GPRASP2: variants seen among roughly 807,000 people sequenced by gnomAD.
GPRASP2 encodes G protein-coupled receptor associated sorting protein 2.
In GPRASP2, 10 loss-of-function variants were observed where a neutral mutation model predicts 36.0. That is an observed-to-expected ratio of 0.28 (90% CI 0.17 to 0.47). The LOEUF (loss-of-function observed/expected upper bound fraction) is 0.47, where lower values mean the gene tolerates loss of function less well. GPRASP2 is among the 20% of genes least tolerant of loss of function. The pLI, the probability that GPRASP2 is intolerant of heterozygous loss-of-function variation, is 0.99. For synonymous variants in GPRASP2, 219 were observed against 230.5 expected (o/e 0.95, Z 0.45); for missense variants, 538 against 626.7 (o/e 0.86, Z 1.51).
chrX:102,717,011 A>G lies in GPRASP2; in HGVS notation c.2142A>G (p.Thr714=), dbSNP rs2081974510. Residue 714 remains threonine, a synonymous_variant, in exon 5 of 5, where the codon ACA becomes ACG. Coordinates refer to ENST00000483720, the MANE Select transcript of GPRASP2 (RefSeq NM_001004051.4). ...RHLTMTIDYH[T]LIANYMSGFL... Reference sequence around the variant, plus strand: ...TCACTATGACTATTGACTATCACACACTGATTGCCAACTATATGTCCGGGT... The same window carrying G: ...TCACTATGACTATTGACTATCACACGCTGATTGCCAACTATATGTCCGGGT... The G allele has an allele frequency of 8.3e-7, 1 of 1,198,194 alleles. No individual in the cohort carries two copies. The highest frequency in any genetic ancestry group is 1.8e-5 in the South Asian group (1 of 55,605).
rs778733801 is a variant in GPRASP2 at position 102,716,130 on chromosome X, T to C, written c.1261T>C (p.Ser421Pro). 1 of 1,194,495 alleles carries C rather than the reference T, an allele frequency of 8.4e-7. No individual in the cohort carries two copies. Among genetic ancestry groups the C allele is most frequent in the East Asian group, 3.0e-5 (1 of 33,603 alleles). Reference sequence around the variant, plus strand: ...AACTGAGGAGGGGGCCATTGGCGGATCCGCGTACTGGGCTGAGGAAAAGTC... The same window carrying C: ...AACTGAGGAGGGGGCCATTGGCGGACCCGCGTACTGGGCTGAGGAAAAGTC... ...PGTEEGAIGG[S>P]AYWAEEKSSL... The change falls in exon 5 of 5, where the codon TCC (serine) becomes CCC (proline). Residue 421 changes from serine to proline, a missense_variant. Physicochemically the swap from Ser to Pro is moderately conservative, Grantham distance 74 (BLOSUM62 -1). Coordinates refer to ENST00000483720, the MANE Select transcript of GPRASP2 (RefSeq NM_001004051.4).
rs6621549 is a variant in GPRASP2 at position 102,716,828 on chromosome X, A to C, written c.1959A>C (p.Arg653Ser). Residue 653 changes from arginine to serine, a missense_variant, in exon 5 of 5, where the codon AGA (arginine) becomes AGC (serine). By Grantham distance (110) the Arg-to-Ser change is moderately radical. This residue lies in a region of GPRASP2 where 262 missense variants were observed against 351.7 expected (regional missense o/e 0.74). Coordinates refer to ENST00000483720, the MANE Select transcript of GPRASP2 (RefSeq NM_001004051.4). ...IETLLNYPSS[R>S]VRTSFLENMI... ...CCTTGCTTAATTATCCATCCTCTAGAGTTAGGACAAGTTTTTTGGAAAATA... is the reference window on the plus strand; with the variant it reads ...CCTTGCTTAATTATCCATCCTCTAGCGTTAGGACAAGTTTTTTGGAAAATA... The C allele has an allele frequency of 1.7e-6, 2 of 1,210,499 alleles. No homozygotes were observed. The highest frequency in any genetic ancestry group is 5.9e-5 in the East Asian group (2 of 33,786).
At position 102,715,350 on chromosome X, in the gene GPRASP2, G is replaced by A. The variant is rs1316125260; in HGVS notation, c.481G>A (p.Gly161Arg). The change falls in exon 5 of 5, where the codon GGA becomes AGA. Residue 161 changes from glycine to arginine, a missense_variant. Physicochemically the swap from Gly to Arg is moderately radical, Grantham distance 125 (BLOSUM62 -2). Transcript: ENST00000483720. The stretch of plus-strand genomic sequence containing the variant: ...TTGGCCACTGGCCACTGCTGAGTCT[G>A]GATCAGTTACTAAATCTAAGGGCCT... The part of the protein sequence containing the change: ...VAWPLATAES[G>R]SVTKSKGLSM... 1 of 1,211,269 alleles carries A rather than the reference G, an allele frequency of 8.3e-7. No homozygotes were observed. Among genetic ancestry groups the A allele is most frequent in the Non-Finnish European group, 1.1e-6 (1 of 895,496 alleles).
At chrX:102,712,681 C>G (rs888581482) in intron 1 of GPRASP2, 129 bp downstream of exon 1, 7 of 112,565 alleles carry the variant, frequency 6.2e-5, no homozygotes, top group African/African-American at 2.3e-4. Flanking sequence ...GAGCCAGGCG[C>G]TTGAGAGAGG....
rs772359998 is a variant in GPRASP2, at chrX:102,715,821, C to T, written c.952C>T (p.Leu318Phe). Residue 318 changes from leucine to phenylalanine, a missense_variant, in exon 5 of 5, where the codon CTC becomes TTC. Physicochemically the swap from Leu to Phe is conservative, Grantham distance 22. Around this residue, in one of 2 missense-constraint regions of GPRASP2, gnomAD observed 276 missense variants for 275.0 expected, o/e 1.00. Transcript: ENST00000483720. ...GGAGGAGGCAAATATCAGGTCCAAG[C>T]TCAGGACAAATAGAGAAGATTGTTT... is the stretch of plus-strand genomic sequence containing the variant. Reference protein sequence around the residue: ...VREEANIRSKLRTNREDCFES... With the variant: ...VREEANIRSKFRTNREDCFES... 1.3e-5 allele frequency: 16 copies of T among 1,211,747 alleles called. No homozygotes were observed. Among genetic ancestry groups the T allele is most frequent in the Non-Finnish European group, 1.7e-5 (15 of 895,518 alleles).
In GPRASP2 at chrX:102,715,658, G is replaced by C. The variant is rs201980601; in HGVS notation, c.789G>C (p.Gln263His). 50 of 1,209,832 alleles carry C rather than the reference G, an allele frequency of 4.1e-5. No homozygotes were observed. The Admixed American group carries it at 1.1e-3, about 26-fold the overall frequency. The stretch of plus-strand genomic sequence containing the variant: ...GGTCCAGGCACAGGGCTAAACATCA[G>C]ACTAATCCCAGGTCCAGGCCCAGAT... ...NTRSRHRAKH[Q>H]TNPRSRPRSK... The change falls in exon 5 of 5, where the codon CAG becomes CAC. Residue 263 changes from glutamine to histidine, a missense_variant. Transcript: ENST00000483720.
At position 102,715,520 on chromosome X, in the gene GPRASP2, G is replaced by A; in HGVS notation, c.651G>A (p.Glu217=). Residue 217 remains glutamate, a synonymous_variant, in exon 5 of 5, where the codon GAG becomes GAA. Coordinates refer to ENST00000483720, the MANE Select transcript of GPRASP2 (RefSeq NM_001004051.4). The stretch of plus-strand genomic sequence containing the variant: ...ATTCCAGGCCCAGGGCCAGAGAGGA[G>A]GCCTCTAATGAGTCTGGGTTCTGGT... The part of the protein sequence containing the change: ...WCYSRPRARE[E]ASNESGFWSA... The A allele has an allele frequency of 8.3e-7, 1 of 1,212,073 alleles. No individual in the cohort carries two copies. The highest frequency in any genetic ancestry group is 1.1e-6 in the Non-Finnish European group (1 of 895,620).
In GPRASP2 at chrX:102,717,199, T is replaced by C. The variant is rs372580735; in HGVS notation, c.2330T>C (p.Ile777Thr). Residue 777 changes from isoleucine (I) to threonine (T), a missense_variant, in exon 5 of 5, where the codon ATT (isoleucine) becomes ACT (threonine). Physicochemically the swap from Ile to Thr is moderately conservative, Grantham distance 89 (BLOSUM62 -1). This residue lies in a region of GPRASP2 where 262 missense variants were observed against 351.7 expected (regional missense o/e 0.74). Coordinates refer to ENST00000483720, the MANE Select transcript of GPRASP2 (RefSeq NM_001004051.4). ...LFNIEETNDNIQIVIKMFQNI... is the reference protein window; with the variant it reads ...LFNIEETNDNTQIVIKMFQNI... ...AACATAGAAGAGACAAATGATAATA[T>C]TCAAATTGTTATTAAAATGTTTCAG... is the stretch of plus-strand genomic sequence containing the variant. 5.5e-5 allele frequency: 62 copies of C among 1,129,553 alleles called. No individual in the cohort carries two copies. Among genetic ancestry groups the C allele is most frequent in the Non-Finnish European group, 6.8e-5 (58 of 855,708 alleles). 93.1% of individuals were successfully genotyped at this position (1,129,553 alleles called of 1,213,427 possible). A position where few individuals can be genotyped will look rare whatever the true frequency, so the allele number is the denominator to read the frequency against.
chrX:102,715,228 C>T lies in GPRASP2; in HGVS notation c.359C>T (p.Ala120Val). 1.8e-5 allele frequency: 22 copies of T among 1,212,598 alleles called. No individual in the cohort carries two copies. Among genetic ancestry groups the T allele is most frequent in the Non-Finnish European group, 2.5e-5 (22 of 895,706 alleles). ...SKTDAKAIPG[A>V]RPKDEAQAWA... Reference sequence around the variant, plus strand: ...ACTGATGCCAAGGCAATCCCTGGAGCAAGGCCCAAGGATGAGGCCCAGGCA... The same window carrying T: ...ACTGATGCCAAGGCAATCCCTGGAGTAAGGCCCAAGGATGAGGCCCAGGCA... Residue 120 changes from alanine to valine, a missense_variant, in exon 5 of 5, where the codon GCA becomes GTA. Ala to Val is a moderately conservative substitution (Grantham distance 64). Around this residue, in one of 2 missense-constraint regions of GPRASP2, gnomAD observed 276 missense variants for 275.0 expected, o/e 1.00. Coordinates refer to ENST00000483720, the MANE Select transcript of GPRASP2 (RefSeq NM_001004051.4).
rs773003579 is a variant in GPRASP2, at chrX:102,715,141, A to T, written c.272A>T (p.Gln91Leu). Reference sequence around the variant, plus strand: ...GGTGCAAGACCCAAAACGGAGGCTCAAGGAATCACAGGGGCCAGGCCCAAA... The same window carrying T: ...GGTGCAAGACCCAAAACGGAGGCTCTAGGAATCACAGGGGCCAGGCCCAAA... ...MGGARPKTEA[Q>L]GITGARPKTD... is the part of the protein sequence containing the mutation. Residue 91 changes from glutamine (Q) to leucine (L), a missense_variant, in exon 5 of 5, where the codon CAA (glutamine) becomes CTA (leucine). Gln to Leu is a moderately radical substitution (Grantham distance 113). Coordinates refer to ENST00000483720, the MANE Select transcript of GPRASP2 (RefSeq NM_001004051.4). 1.6e-6 allele frequency: 2 copies of T among 1,212,549 alleles called. No homozygotes were observed. The highest frequency in any genetic ancestry group is 3.5e-5 in the South Asian group (2 of 57,078).
rs2073117 is a variant in GPRASP2 at position 102,713,414 on chromosome X, G to T, written c.-480+197G>T. Among the ~76,000 whole-genome samples, 25 of 112,674 alleles carry T rather than the reference G, an allele frequency of 2.2e-4. No homozygotes were observed. The East Asian group carries it at 6.5e-3, about 29-fold the overall frequency. Reference sequence around the variant, plus strand: ...GGGCATGAAAGGGTGGGCTTTGGAGGTGGGGGTGATGAGGGAGACATACTG... The same window carrying T: ...GGGCATGAAAGGGTGGGCTTTGGAGTTGGGGGTGATGAGGGAGACATACTG... On this transcript the variant is annotated intron_variant, in intron 2 of 4. Coordinates refer to ENST00000483720, the MANE Select transcript of GPRASP2 (RefSeq NM_001004051.4).
rs112000579 is a variant in GPRASP2, at chrX:102,717,032, C to T, written c.2163C>T (p.Ser721=). 0.01 allele frequency: 12,209 copies of T among 1,197,868 alleles called. 91 individuals are homozygous for T. Among genetic ancestry groups the T allele is most frequent in the African/African-American group, 0.041 (2,328 of 56,999 alleles). Residue 721 remains serine, a synonymous_variant, in exon 5 of 5, where the codon TCC becomes TCT. Transcript: ENST00000483720. ...ACACACTGATTGCCAACTATATGTCCGGGTTTCTCTCCTTATTAACCACAG... is the reference window on the plus strand; with the variant it reads ...ACACACTGATTGCCAACTATATGTCTGGGTTTCTCTCCTTATTAACCACAG... The part of the protein sequence containing the change: ...DYHTLIANYM[S]GFLSLLTTAN...
Position 102,715,362 on chromosome X carries a change from A to G in GPRASP2, c.493A>G (p.Lys165Glu), listed in dbSNP as rs763161760. The change falls in exon 5 of 5, where the codon AAA (lysine) becomes GAA (glutamate). Residue 165 changes from lysine to glutamate, a missense_variant. Transcript: ENST00000483720. Reference protein sequence around the residue: ...LATAESGSVTKSKGLSMDREL... With the variant: ...LATAESGSVTESKGLSMDREL... ...CACTGCTGAGTCTGGATCAGTTACT[A>G]AATCTAAGGGCCTGTCTATGGATAG... 15 of 1,211,168 alleles carry G rather than the reference A, an allele frequency of 1.2e-5. No homozygotes were observed. The Admixed American group carries it at 3.0e-4, about 25-fold the overall frequency.
rs781700810 is a variant in GPRASP2, at chrX:102,715,194, C to T, written c.325C>T (p.Arg109Cys). Residue 109 changes from arginine to cysteine, a missense_variant, in exon 5 of 5, where the codon CGT becomes TGT. Arg to Cys is a radical substitution (Grantham distance 180). Coordinates refer to ENST00000483720, the MANE Select transcript of GPRASP2 (RefSeq NM_001004051.4). Reference sequence around the variant, plus strand: ...CGATGCCAGGGCAGTAGGTGGCGCTCGTTCTAAAACTGATGCCAAGGCAAT... The same window carrying T: ...CGATGCCAGGGCAGTAGGTGGCGCTTGTTCTAAAACTGATGCCAAGGCAAT... The part of the protein sequence containing the change: ...KTDARAVGGA[R>C]SKTDAKAIPG... 1.8e-5 allele frequency: 22 copies of T among 1,212,247 alleles called. No individual in the cohort carries two copies. The South Asian group carries it at 3.5e-4, about 19-fold the overall frequency.
Position 102,717,176 on chromosome X carries a change from C to T in GPRASP2, c.2307C>T (p.Asn769=). ...TTTCAATATTTGTGGGTCTCTTTAA[C>T]ATAGAAGAGACAAATGATAATATTC... The part of the protein sequence containing the change: ...KALSIFVGLF[N]IEETNDNIQI... The change falls in exon 5 of 5, where the codon AAC becomes AAT. Residue 769 remains asparagine, a synonymous_variant. Coordinates refer to ENST00000483720, the MANE Select transcript of GPRASP2 (RefSeq NM_001004051.4). The T allele has an allele frequency of 8.7e-7, 1 of 1,154,724 alleles. No individual in the cohort carries two copies. The highest frequency in any genetic ancestry group is 1.2e-6 in the Non-Finnish European group (1 of 866,452).
rs903440683 is a variant in GPRASP2, at chrX:102,717,070, C to T, written c.2201C>T (p.Thr734Met). The change falls in exon 5 of 5, where the codon ACG (threonine) becomes ATG (methionine). Residue 734 changes from threonine to methionine, a missense_variant. Physicochemically the swap from Thr to Met is moderately conservative, Grantham distance 81. This residue lies in a region of GPRASP2 where 262 missense variants were observed against 351.7 expected (regional missense o/e 0.74). Coordinates refer to ENST00000483720, the MANE Select transcript of GPRASP2 (RefSeq NM_001004051.4). ...LSLLTTANAR[T>M]KFHVLKMLLN... ...TTATTAACCACAGCCAATGCGAGAACGAAGTTTCACGTTCTGAAAATGCTA... is the reference window on the plus strand; with the variant it reads ...TTATTAACCACAGCCAATGCGAGAATGAAGTTTCACGTTCTGAAAATGCTA... 7 of 1,203,010 alleles carry T rather than the reference C, an allele frequency of 5.8e-6. No individual in the cohort carries two copies. Among genetic ancestry groups the T allele is most frequent in the Non-Finnish European group, 6.7e-6 (6 of 889,019 alleles).
rs1052148030 is a variant in GPRASP2 at position 102,717,489 on chromosome X, A to G, written c.*103A>G. The G allele has an allele frequency of 2.1e-6, 2 of 959,933 alleles. No homozygotes were observed. Among genetic ancestry groups the G allele is most frequent in the East Asian group, 7.7e-5 (2 of 26,070 alleles). 79.1% of individuals were successfully genotyped at this position (959,933 alleles called of 1,213,427 possible). On this transcript the variant is annotated 3_prime_UTR_variant, in exon 5 of 5. Transcript: ENST00000483720. ...TTTTTTGTTGTAACTTATATTTTTT[A>G]ATGCTGATGTTAACTTTGTCAAACT... is the stretch of plus-strand genomic sequence containing the variant.
At position 102,715,484 on chromosome X, in the gene GPRASP2, G is replaced by A. The variant is rs1015095782; in HGVS notation, c.615G>A (p.Gly205=). 7 of 1,212,121 alleles carry A rather than the reference G, an allele frequency of 5.8e-6. No homozygotes were observed. The highest frequency in any genetic ancestry group is 4.3e-5 in the Admixed American group (2 of 46,106). Residue 205 remains glycine, a synonymous_variant, in exon 5 of 5, where the codon GGG becomes GGA. Transcript: ENST00000483720. ...GACCAGGGGAGGAGACTAATATGGGGTCTTGGTGCTATTCCAGGCCCAGGG... is the reference window on the plus strand; with the variant it reads ...GACCAGGGGAGGAGACTAATATGGGATCTTGGTGCTATTCCAGGCCCAGGG... ...WFGPGEETNM[G]SWCYSRPRAR... is the part of the protein sequence containing the mutation.
In GPRASP2 at chrX:102,714,986, G is replaced by GTAAC; in HGVS notation, c.117_118insTAAC (p.Val40Ter). ...ATGTCCCTCTGGTGGTCAGACCCAA[G>GTAAC]GTTAGGACCCAGGCAACTACTGGGG... is the stretch of plus-strand genomic sequence containing the variant. On this transcript the variant is annotated stop_gained and frameshift_variant, in exon 5 of 5. Transcript: ENST00000483720. LOFTEE classifies it high-confidence loss of function. 8.2e-7 allele frequency: 1 copy of GTAAC among 1,212,615 alleles called. No individual in the cohort carries two copies. The highest frequency in any genetic ancestry group is 1.1e-6 in the Non-Finnish European group (1 of 895,738).
Sources: allele counts gnomAD v4.1 joint callset (sites outside exome capture counted in the v4.1 genomes callset), GRCh38; gene constraint gnomAD v4.1.1; regional missense constraint gnomAD v4.1.1; transcripts MANE v1.5; gene names NCBI Gene and HGNC (gene_info 2026-07-23, HGNC 2026-07-21).